EVX2: variants seen among roughly 807,000 people sequenced by gnomAD.
The protein encoded by EVX2 is homeobox even-skipped homolog protein 2.
In EVX2, 10 loss-of-function variants were observed where a neutral mutation model predicts 19.2. That is an observed-to-expected ratio of 0.52 (90% CI 0.32 to 0.89). The LOEUF (loss-of-function observed/expected upper bound fraction) is 0.89, where lower values mean the gene tolerates loss of function less well. Among genes scored for constraint, EVX2 ranks in the 40% least tolerant of loss-of-function variants. The pLI is 0.03. For synonymous variants in EVX2, 354 were observed against 328.4 expected (o/e 1.08, Z -0.84); for missense variants, 710 against 694.9 (o/e 1.02, Z -0.24).
chr2:176,082,298 C>G lies in EVX2; in HGVS notation c.579G>C (p.Thr193=). Residue 193 remains threonine, a synonymous_variant, in exon 2 of 3, where the codon ACG becomes ACC. Coordinates refer to ENST00000308618, the MANE Select transcript of EVX2 (RefSeq NM_001080458.2). This position sits in a 1 kb window ranked among gnomAD's most constrained non-coding sequence, Gnocchi z 5.2. ...SGADQVRRYR[T]AFTREQIARL... ...GCGCGATCTGCTCGCGGGTGAACGCCGTACGGTAGCGCCGCACTTGATCCG... is the reference window on the plus strand; with the variant it reads ...GCGCGATCTGCTCGCGGGTGAACGCGGTACGGTAGCGCCGCACTTGATCCG... 2 of 1,599,962 alleles carry G rather than the reference C, an allele frequency of 1.3e-6. No individual in the cohort carries two copies. Among genetic ancestry groups the G allele is most frequent in the South Asian group, 1.1e-5 (1 of 90,674 alleles).
chr2:176,080,491 G>A lies in EVX2; in HGVS notation c.1047C>T (p.Ala349=). Reference sequence around the variant, plus strand: ...AGGCCGCGCTGTTGAGCCCCGCGGCGGCCGCGGGAGCCTGGTAGAGACCAG... The same window carrying A: ...AGGCCGCGCTGTTGAGCCCCGCGGCAGCCGCGGGAGCCTGGTAGAGACCAG... ...RHPGLYQAPA[A]AAGLNSAASA... Residue 349 remains alanine (A), a synonymous_variant, in exon 3 of 3, where the codon GCC becomes GCT. Transcript: ENST00000308618. This position sits in a 1 kb window ranked among gnomAD's most constrained non-coding sequence, Gnocchi z 7.0. 1.5e-6 allele frequency: 2 copies of A among 1,342,840 alleles called. No individual in the cohort carries two copies. Among genetic ancestry groups the A allele is most frequent in the Non-Finnish European group, 1.9e-6 (2 of 1,052,262 alleles). 83.2% of individuals were successfully genotyped at this position (1,342,840 alleles called of 1,614,324 possible). A position where few individuals can be genotyped will look rare whatever the true frequency, so the allele number is the denominator to read the frequency against.
rs1233318555 is a variant in EVX2 at position 176,081,557 on chromosome 2, A to G, written c.699+621T>C. On this transcript the variant is annotated intron_variant, in intron 2 of 2. Transcript: ENST00000308618. The surrounding 1 kb of genome is among the most constrained non-coding windows in gnomAD (Gnocchi z 5.9). ...TTTTTTCTGCAGTGTCGAACGCTCCATGAAGGGCTCACCAAATCGCCTAAC... is the reference window on the plus strand; with the variant it reads ...TTTTTTCTGCAGTGTCGAACGCTCCGTGAAGGGCTCACCAAATCGCCTAAC... Among the ~76,000 whole-genome samples the G allele has an allele frequency of 6.6e-6, 1 of 152,174 alleles. No homozygotes were observed. Among genetic ancestry groups the G allele is most frequent in the African/African-American group, 2.4e-5 (1 of 41,436 alleles).
Position 176,082,303 on chromosome 2 carries a change from G to A in EVX2, c.574C>T (p.Arg192Cys), listed in dbSNP as rs1689159201. 2.5e-6 allele frequency: 4 copies of A among 1,599,382 alleles called. No homozygotes were observed. The highest frequency in any genetic ancestry group is 1.3e-5 in the African/African-American group (1 of 74,812). The change falls in exon 2 of 3, where the codon CGT becomes TGT. Residue 192 changes from arginine to cysteine, a missense_variant. By Grantham distance (180) the Arg-to-Cys change is radical. Coordinates refer to ENST00000308618, the MANE Select transcript of EVX2 (RefSeq NM_001080458.2). The surrounding 1 kb of genome is among the most constrained non-coding windows in gnomAD (Gnocchi z 5.2). ...ATCTGCTCGCGGGTGAACGCCGTAC[G>A]GTAGCGCCGCACTTGATCCGCGCCA... ...GSGADQVRRY[R>C]TAFTREQIAR...
chr2:176,082,556 C>T lies in EVX2; in HGVS notation c.428-107G>A, dbSNP rs947534953. ...CCCCGTCAGGAAGGAGAGTCGCTGC[C>T]GGAATTGATGGGGTCTGTCATGCTT... On this transcript the variant is annotated intron_variant, in intron 1 of 2. Transcript: ENST00000308618. The surrounding 1 kb of genome is among the most constrained non-coding windows in gnomAD (Gnocchi z 5.2). 28 of 1,308,762 alleles carry T rather than the reference C, an allele frequency of 2.1e-5. No individual in the cohort carries two copies. The highest frequency in any genetic ancestry group is 2.8e-5 in the Admixed American group (1 of 36,178). 81.1% of individuals were successfully genotyped at this position (1,308,762 alleles called of 1,614,324 possible).
At position 176,080,307 on chromosome 2, in the gene EVX2, A is replaced by G. The variant is rs1689119149; in HGVS notation, c.1231T>C (p.Ser411Pro). The G allele has an allele frequency of 1.5e-6, 2 of 1,306,548 alleles. No individual in the cohort carries two copies. Among genetic ancestry groups the G allele is most frequent in the Non-Finnish European group, 2.0e-6 (2 of 1,022,212 alleles). 80.9% of individuals were successfully genotyped at this position (1,306,548 alleles called of 1,614,324 possible). The change falls in exon 3 of 3, where the codon TCC becomes CCC. Residue 411 changes from serine (S) to proline (P), a missense_variant. Transcript: ENST00000308618. This position sits in a 1 kb window ranked among gnomAD's most constrained non-coding sequence, Gnocchi z 7.0. ...AAAAAAAALG[S>P]RGGGGGGGGG... ...CCGCCGCCGCCACCGCCACCCCGGG[A>G]ACCCAGGGCTGCGGCAGCTGCTGCC...
In EVX2 at chr2:176,080,720, C is replaced by T. The variant is rs1420749253; in HGVS notation, c.818G>A (p.Ser273Asn). 6.2e-7 allele frequency: 1 copy of T among 1,607,126 alleles called. No homozygotes were observed. Among genetic ancestry groups the T allele is most frequent in the Non-Finnish European group, 8.5e-7 (1 of 1,179,538 alleles). Residue 273 changes from serine to asparagine, a missense_variant, in exon 3 of 3, where the codon AGC becomes AAC. Ser to Asn is a conservative substitution (Grantham distance 46). Coordinates refer to ENST00000308618, the MANE Select transcript of EVX2 (RefSeq NM_001080458.2). The surrounding 1 kb of genome is among the most constrained non-coding windows in gnomAD (Gnocchi z 7.0). ...YMMTHAAATG[S>N]LPYPFHSHVP... ...GTGCGAGTGGAAGGGGTAGGGCAGG[C>T]TTCCGGTGGCGGCCGCGTGCGTCAT...
chr2:176,079,994 C>T lies in EVX2; in HGVS notation c.*113G>A. ...TTCGGCCTCCCGCGCCCCGGGGCGC[C>T]CCCTGGCGGCAGCGGCAGCAGCGGG... On this transcript the variant is annotated 3_prime_UTR_variant, in exon 3 of 3. Transcript: ENST00000308618. The surrounding 1 kb of genome is among the most constrained non-coding windows in gnomAD (Gnocchi z 4.4). 1 of 1,220,292 alleles carries T rather than the reference C, an allele frequency of 8.2e-7. No homozygotes were observed. The highest frequency in any genetic ancestry group is 1.0e-6 in the Non-Finnish European group (1 of 957,212). 75.6% of individuals were successfully genotyped at this position (1,220,292 alleles called of 1,614,324 possible).
In EVX2 at chr2:176,078,530, A is replaced by G. The variant is rs1001043959; in HGVS notation, c.*1577T>C. ...GGCTGTTCACACTGGTGGAATATCA[A>G]CTTAACAGAGAAAAGTCTACCCAGG... On this transcript the variant is annotated 3_prime_UTR_variant, in exon 3 of 3. Coordinates refer to ENST00000308618, the MANE Select transcript of EVX2 (RefSeq NM_001080458.2). 7.9e-5 allele frequency: 12 copies of G among 152,230 alleles called. No homozygotes were observed. Among genetic ancestry groups the G allele is most frequent in the South Asian group, 2.1e-4 (1 of 4,838 alleles). 9.4% of individuals were successfully genotyped at this position (152,230 alleles called of 1,614,324 possible). A position where few individuals can be genotyped will look rare whatever the true frequency, so the allele number is the denominator to read the frequency against.
Position 176,080,639 on chromosome 2 carries a change from G to C in EVX2, c.899C>G (p.Ala300Gly). Residue 300 changes from alanine to glycine, a missense_variant, in exon 3 of 3, where the codon GCA (alanine) becomes GGA (glycine). Physicochemically the swap from Ala to Gly is moderately conservative, Grantham distance 60. Coordinates refer to ENST00000308618, the MANE Select transcript of EVX2 (RefSeq NM_001080458.2). The surrounding 1 kb of genome is among the most constrained non-coding windows in gnomAD (Gnocchi z 7.0). Reference protein sequence around the residue: ...VGVTAAAAAAAASGAAAAASS... With the variant: ...VGVTAAAAAAGASGAAAAASS... ...AGCCGCGGCCGCCGCGCCTGAGGCT[G>C]CAGCCGCGGCCGCCGCCGCCGTGAC... 2.6e-6 allele frequency: 4 copies of C among 1,557,634 alleles called. No homozygotes were observed. Among genetic ancestry groups the C allele is most frequent in the Non-Finnish European group, 3.4e-6 (4 of 1,160,546 alleles).
chr2:176,080,722 T>C lies in EVX2; in HGVS notation c.816A>G (p.Gly272=). The C allele has an allele frequency of 6.2e-7, 1 of 1,607,250 alleles. No homozygotes were observed. The highest frequency in any genetic ancestry group is 8.5e-7 in the Non-Finnish European group (1 of 1,179,492). ...TYMMTHAAAT[G]SLPYPFHSHV... The stretch of plus-strand genomic sequence containing the variant: ...GCGAGTGGAAGGGGTAGGGCAGGCT[T>C]CCGGTGGCGGCCGCGTGCGTCATCA... The change falls in exon 3 of 3, where the codon GGA becomes GGG. Residue 272 remains glycine, a synonymous_variant. Transcript: ENST00000308618. The surrounding 1 kb of genome is among the most constrained non-coding windows in gnomAD (Gnocchi z 7.0).
chr2:176,082,346 C>T lies in EVX2; in HGVS notation c.531G>A (p.Ala177=), dbSNP rs923392475. ...GGSGGSGGSA[A]LGGSGSGADQ... Reference sequence around the variant, plus strand: ...CCGCGCCAGAGCCGGAGCCACCCAGCGCCGCGCTCCCGCCGCTGCCTCCGC... The same window carrying T: ...CCGCGCCAGAGCCGGAGCCACCCAGTGCCGCGCTCCCGCCGCTGCCTCCGC... The change falls in exon 2 of 3, where the codon GCG becomes GCA. Residue 177 remains alanine (A), a synonymous_variant. Transcript: ENST00000308618. This position sits in a 1 kb window ranked among gnomAD's most constrained non-coding sequence, Gnocchi z 5.2. 1.9e-6 allele frequency: 3 copies of T among 1,596,800 alleles called. No individual in the cohort carries two copies. The highest frequency in any genetic ancestry group is 8.5e-7 in the Non-Finnish European group (1 of 1,176,182).
rs1319506759 is a variant in EVX2 at position 176,082,228 on chromosome 2, G to A, written c.649C>T (p.Arg217Cys). ...FYRENYVSRP[R>C]RCELAAALNL... is the part of the protein sequence containing the mutation. ...AGTGCCGCGGCCAGCTCGCACCGGC[G>A]GGGCCGCGACACATAGTTCTCCCGG... Residue 217 changes from arginine (R) to cysteine (C), a missense_variant, in exon 2 of 3, where the codon CGC becomes TGC. Coordinates refer to ENST00000308618, the MANE Select transcript of EVX2 (RefSeq NM_001080458.2). This position sits in a 1 kb window ranked among gnomAD's most constrained non-coding sequence, Gnocchi z 5.2. 4 of 1,600,910 alleles carry A rather than the reference G, an allele frequency of 2.5e-6. No individual in the cohort carries two copies. The highest frequency in any genetic ancestry group is 1.3e-5 in the African/African-American group (1 of 74,612).
chr2:176,083,913 G>T lies in EVX2; in HGVS notation c.-137C>A. The T allele has an allele frequency of 1.3e-6, 1 of 742,490 alleles. No individual in the cohort carries two copies. Among genetic ancestry groups the T allele is most frequent in the Non-Finnish European group, 2.2e-6 (1 of 459,876 alleles). 46.0% of individuals were successfully genotyped at this position (742,490 alleles called of 1,614,324 possible). A position where few individuals can be genotyped will look rare whatever the true frequency, so the allele number is the denominator to read the frequency against. ...GCTTTCGGAGGGAGGCGGAAAAATT[G>T]TGGGATGCCAGAGCGAGGGAATGAC... On this transcript the variant is annotated 5_prime_UTR_variant, in exon 1 of 3. Transcript: ENST00000308618. This position sits in a 1 kb window ranked among gnomAD's most constrained non-coding sequence, Gnocchi z 4.4.
rs1689077919 is a variant in EVX2 at position 176,077,891 on chromosome 2, T to C, written c.*2216A>G. The C allele has an allele frequency of 6.6e-6, 1 of 152,142 alleles. No individual in the cohort carries two copies. The highest frequency in any genetic ancestry group is 2.4e-5 in the African/African-American group (1 of 41,452). The allele number at this position is 152,142 out of a possible 1,614,324, so 9.4% of individuals were successfully genotyped here. On this transcript the variant is annotated 3_prime_UTR_variant, in exon 3 of 3. Coordinates refer to ENST00000308618, the MANE Select transcript of EVX2 (RefSeq NM_001080458.2). ...TTTTTAAAAATGTAAACTCAGTGAA[T>C]AAGAGCTGGTATAATCAATATTTTA...
chr2:176,082,484 T>C lies in EVX2; in HGVS notation c.428-35A>G. On this transcript the variant is annotated intron_variant, in intron 1 of 2. Coordinates refer to ENST00000308618, the MANE Select transcript of EVX2 (RefSeq NM_001080458.2). This position sits in a 1 kb window ranked among gnomAD's most constrained non-coding sequence, Gnocchi z 5.2. Reference sequence around the variant, plus strand: ...AAACGACCAACAGCGCATGAGTGGCTGTAGGACCAACAGCCCGGCGCTGGC... The same window carrying C: ...AAACGACCAACAGCGCATGAGTGGCCGTAGGACCAACAGCCCGGCGCTGGC... The C allele has an allele frequency of 1.3e-6, 2 of 1,502,758 alleles. No individual in the cohort carries two copies. Among genetic ancestry groups the C allele is most frequent in the Non-Finnish European group, 1.8e-6 (2 of 1,128,464 alleles). 93.1% of individuals were successfully genotyped at this position (1,502,758 alleles called of 1,614,324 possible).
Position 176,083,806 on chromosome 2 carries a change from C to T in EVX2, c.-30G>A. The T allele has an allele frequency of 6.4e-7, 1 of 1,570,622 alleles. No homozygotes were observed. Among genetic ancestry groups the T allele is most frequent in the South Asian group, 1.1e-5 (1 of 88,954 alleles). On this transcript the variant is annotated 5_prime_UTR_variant, in exon 1 of 3. Transcript: ENST00000308618. This position sits in a 1 kb window ranked among gnomAD's most constrained non-coding sequence, Gnocchi z 4.4. Reference sequence around the variant, plus strand: ...GCTTTCTTAAAAATGTCACAGTGGCCCTGCTGTCCCGTCCTAATGATAGGC... The same window carrying T: ...GCTTTCTTAAAAATGTCACAGTGGCTCTGCTGTCCCGTCCTAATGATAGGC...
chr2:176,080,900 C>G lies in EVX2; in HGVS notation c.700-62G>C, dbSNP rs1689138800. The G allele has an allele frequency of 6.5e-7, 1 of 1,546,240 alleles. No homozygotes were observed. The highest frequency in any genetic ancestry group is 8.7e-7 in the Non-Finnish European group (1 of 1,148,936). ...GCGCCCCGTGTTCCCAGCTCCTGTC[C>G]CAGGACCTCTGCCCCTTCCGGACCT... On this transcript the variant is annotated intron_variant, in intron 2 of 2. Coordinates refer to ENST00000308618, the MANE Select transcript of EVX2 (RefSeq NM_001080458.2). This position sits in a 1 kb window ranked among gnomAD's most constrained non-coding sequence, Gnocchi z 7.0.
rs759724204 is a variant in EVX2, at chr2:176,083,553, G to A, written c.224C>T (p.Thr75Ile). The A allele has an allele frequency of 3.4e-5, 55 of 1,614,070 alleles. No individual in the cohort carries two copies. In the South Asian group the frequency reaches 5.2e-4, roughly 15 times the overall value. Residue 75 changes from threonine to isoleucine, a missense_variant, in exon 1 of 3, where the codon ACT becomes ATT. Thr to Ile is a moderately conservative substitution (Grantham distance 89, BLOSUM62 -1). Transcript: ENST00000308618. This position sits in a 1 kb window ranked among gnomAD's most constrained non-coding sequence, Gnocchi z 4.4. ...GCCCGTGTGCTGCAGGTTGAACAAA[G>A]TGTCTATTTCGAATTTGCCCTTGGC... ...LPAKGKFEID[T>I]LFNLQHTGSE...
In EVX2 at chr2:176,080,874, A is replaced by G. The variant is rs1440300984; in HGVS notation, c.700-36T>C. The G allele has an allele frequency of 3.2e-6, 5 of 1,583,374 alleles. No individual in the cohort carries two copies. In the Admixed American group the frequency reaches 6.9e-5, roughly 22 times the overall value. On this transcript the variant is annotated intron_variant, in intron 2 of 2. Transcript: ENST00000308618. This position sits in a 1 kb window ranked among gnomAD's most constrained non-coding sequence, Gnocchi z 7.0. Reference sequence around the variant, plus strand: ...AGACGCGCCGCAGCCTGGGTTAGGGAGCGCCCCGTGTTCCCAGCTCCTGTC... The same window carrying G: ...AGACGCGCCGCAGCCTGGGTTAGGGGGCGCCCCGTGTTCCCAGCTCCTGTC...
Sources: gnomAD v4.1 joint callset for allele counts (sites outside exome capture counted in the v4.1 genomes callset) on GRCh38, gnomAD v4.1.1 for gene constraint, Gnocchi (gnomAD v3.1) non-coding constraint, MANE v1.5 for transcripts, NCBI Gene and HGNC (gene_info 2026-07-23, HGNC 2026-07-21) for gene names.